The following PLCB1 variants were observed in gnomAD, a reference collection of about 807,000 sequenced individuals.
The protein encoded by PLCB1 is phospholipase C beta 1.
PLCB1 carries 46 observed loss-of-function variants against 161.8 expected under a neutral mutation model. The observed-to-expected ratio is 0.28, with a 90% CI of 0.22 to 0.36. The LOEUF is 0.36. Ranked by LOEUF, PLCB1 falls within the 10% of genes least tolerant of loss-of-function variation. The pLI, the probability that PLCB1 is intolerant of heterozygous loss-of-function variation, is 1.00. For missense variants in PLCB1, 1,016 were observed against 1,472.5 expected (o/e 0.69, Z 5.07); for synonymous variants, 517 against 503.7 (o/e 1.03, Z -0.35).
intron 3 of PLCB1, among the ~76,000 whole-genome samples, chr20:8,592,511 A>T (rs1057345691): frequency 6.6e-6 from 1 of 152,186 alleles, no homozygotes; most frequent in Non-Finnish European, 1.5e-5. Context: ...CATTTTATTA[A>T]TTGTTCTGGG....
At chr20:8,204,597 A>G (rs530717241) in intron 2 of PLCB1, among the ~76,000 whole-genome samples, 42 of 152,010 alleles carry the variant, frequency 2.8e-4, no homozygotes, top group African/African-American at 9.9e-4. Context: ...CCACCATGTG[A>G]GATGCTGGCT....
At chr20:8,795,896 A>G (rs1568602909) in intron 31 of PLCB1, among the ~76,000 whole-genome samples, 1 of 150,162 alleles carries the variant, frequency 6.7e-6, no homozygotes, top group Non-Finnish European at 1.5e-5. Context: ...AAAAAAAAAG[A>G]AAAGAAAACA....
intron 3 of PLCB1, among the ~76,000 whole-genome samples, chr20:8,418,783 T>A (rs868324872): frequency 2.0e-5 from 3 of 152,168 alleles, no homozygotes; most frequent in African/African-American, 7.2e-5. Flanking sequence ...ATGGGTTGGC[T>A]GAAACACACA....
intron 12 of PLCB1, chr20:8,715,745 C>T (rs1222371621): frequency 1.3e-5 from 2 of 153,586 alleles, no homozygotes; most frequent in African/African-American, 4.8e-5. Context: ...TTTTGAGATT[C>T]TCTCCCTCTC....
Position 8,505,904 on chromosome 20 carries a change from A to G in PLCB1, c.247-122390A>G, listed in dbSNP as rs376448380. ...CTTGCTATTATTATTGGAGGAATCT[A>G]TCAAAATGGACCACTGGGAAAGCAC... On this transcript the variant is annotated intron_variant, in intron 3 of 31. Transcript: ENST00000338037. Among the ~76,000 whole-genome samples the G allele has an allele frequency of 3.3e-5, 5 of 152,330 alleles. No homozygotes were observed. The East Asian group carries it at 9.6e-4, about 29-fold the overall frequency.
chr20:8,420,621 C>T (rs1186884929), intron 3 of PLCB1, among the ~76,000 whole-genome samples: 2 of 152,060 alleles, frequency 1.3e-5, no homozygotes, highest in Admixed American at 6.6e-5. Flanking sequence ...AGAGAGAACA[C>T]GTAGTGTTTA....
intron 9 of PLCB1, among the ~76,000 whole-genome samples, chr20:8,673,497 T>C (rs1989999639): frequency 6.6e-6 from 1 of 152,246 alleles, no homozygotes; most frequent in Non-Finnish European, 1.5e-5. Context: ...TTGTTAGGAC[T>C]CAGCCCCCCA....
rs1296366458 is a variant in PLCB1, at chr20:8,882,244, T to C, written c.*395T>C. 1 of 193,932 alleles carries C rather than the reference T, an allele frequency of 5.2e-6. No homozygotes were observed. Among genetic ancestry groups the C allele is most frequent in the African/African-American group, 2.3e-5 (1 of 42,588 alleles). 12.0% of individuals were successfully genotyped at this position (193,932 alleles called of 1,614,324 possible). On this transcript the variant is annotated 3_prime_UTR_variant, in exon 32 of 32. Coordinates refer to ENST00000338037, the MANE Select transcript of PLCB1 (RefSeq NM_015192.4). ...TCATAGAAATAGTTTGAGAAATGCA[T>C]AGCATTATTTAACACTATTGAACAG...
rs117060547 is a variant in PLCB1, at chr20:8,324,759, G to A, written c.178-46623G>A. On this transcript the variant is annotated intron_variant, in intron 2 of 31. Transcript: ENST00000338037. ...GCTTTCAGTGTTATTTTGGTCTCAT[G>A]AATTCATAAACATCAGCATCTCTAC... Among the ~76,000 whole-genome samples, 1,419 of 152,222 alleles carry A rather than the reference G, an allele frequency of 9.3e-3. 11 individuals are homozygous for A. The highest frequency in any genetic ancestry group is 0.012 in the Non-Finnish European group (797 of 68,000).
At chr20:8,780,720 C>T (rs2011404639) in intron 27 of PLCB1, among the ~76,000 whole-genome samples, 1 of 152,090 alleles carries the variant, frequency 6.6e-6, no homozygotes, top group African/African-American at 2.4e-5. Context: ...GACGAGCCCA[C>T]CAGGACAAGC....
chr20:8,414,726 G>A (rs1979196611), intron 3 of PLCB1, among the ~76,000 whole-genome samples: 1 of 152,058 alleles, frequency 6.6e-6, no homozygotes, highest in Non-Finnish European at 1.5e-5. Context: ...GCCACATGTA[G>A]CTGTGGAGCA....
chr20:8,842,724 G>C (rs1443890728), intron 31 of PLCB1, among the ~76,000 whole-genome samples: 3 of 152,176 alleles, frequency 2.0e-5, no homozygotes, highest in Admixed American at 6.5e-5. Context: ...GGCGGTGCGT[G>C]ACTGGGGGCT....
intron 2 of PLCB1, chr20:8,306,008 A>G (rs186582110): frequency 6.6e-6 from 1 of 152,320 alleles, no homozygotes; most frequent in African/African-American, 2.4e-5. Flanking sequence ...TGCCTCCAGA[A>G]ATGGGCTTCG....
At chr20:8,789,839 G>A (rs552803752) in intron 30 of PLCB1, among the ~76,000 whole-genome samples, 2 of 152,270 alleles carry the variant, frequency 1.3e-5, no homozygotes, top group Non-Finnish European at 2.9e-5. Flanking sequence ...AAATGATAGT[G>A]TTCCCAAAAG....
rs376133266 is a variant in PLCB1, at chr20:8,638,049, C to T, written c.385-8053C>T. On this transcript the variant is annotated intron_variant, in intron 4 of 31. Coordinates refer to ENST00000338037, the MANE Select transcript of PLCB1 (RefSeq NM_015192.4). ...TAGCTGGGACTACAGGCACCCGCCA[C>T]CATGCCCGGCTAATTTTTGTATTTT... is the stretch of plus-strand genomic sequence containing the variant. Among the ~76,000 whole-genome samples, 4 of 152,322 alleles carry T rather than the reference C, an allele frequency of 2.6e-5. No individual in the cohort carries two copies. In the East Asian group the frequency reaches 7.7e-4, roughly 29 times the overall value.
intron 27 of PLCB1, among the ~76,000 whole-genome samples, chr20:8,775,552 G>A (rs1006734658): frequency 3.3e-5 from 5 of 152,128 alleles, no homozygotes; most frequent in Non-Finnish European, 4.4e-5. Flanking sequence ...TTGTAAGGTT[G>A]GAAGCCTATA....
intron 2 of PLCB1, among the ~76,000 whole-genome samples, chr20:8,329,028 AC>A: frequency 6.6e-6 from 1 of 152,210 alleles, no homozygotes; most frequent in Non-Finnish European, 1.5e-5. Flanking sequence ...GATGCACATG[AC>A]TTTCCTAACT....
intron 2 of PLCB1, among the ~76,000 whole-genome samples, chr20:8,258,890 A>AT (rs1981557071): frequency 1.3e-5 from 2 of 152,248 alleles, no homozygotes; most frequent in South Asian, 4.1e-4. Flanking sequence ...ACATTCATGT[A>AT]TCCATCACCA....
chr20:8,857,392 T>C (rs946382998), intron 31 of PLCB1, among the ~76,000 whole-genome samples: 15 of 152,246 alleles, frequency 9.9e-5, no homozygotes, highest in African/African-American at 3.6e-4. Context: ...TATTGTTAAA[T>C]GTTGCTATAG....
Sources: gnomAD v4.1 joint callset for allele counts (sites outside exome capture counted in the v4.1 genomes callset) on GRCh38, gnomAD v4.1.1 for gene constraint, MANE v1.5 for transcripts, NCBI Gene and HGNC (gene_info 2026-07-23, HGNC 2026-07-21) for gene names.